The following GRID2IP variants were observed in gnomAD, a reference collection of about 807,000 sequenced individuals.
The protein encoded by GRID2IP is Grid2 interacting protein.
Under a neutral mutation model 114.3 loss-of-function variants are expected in GRID2IP, and 78 were observed. The ratio of observed to expected loss-of-function variants is 0.68; its 90% CI spans 0.57 to 0.82. The LOEUF (loss-of-function observed/expected upper bound fraction) is 0.82. Ranked by LOEUF, GRID2IP falls within the 40% of genes least tolerant of loss-of-function variation. The pLI, the probability that GRID2IP is intolerant of heterozygous loss-of-function variation, is 0.00. For synonymous variants in GRID2IP, 809 were observed against 724.0 expected (o/e 1.12, Z -1.89); for missense variants, 1,727 against 1,678.5 (o/e 1.03, Z -0.51).
intron 2 of GRID2IP, among the ~76,000 whole-genome samples, chr7:6,533,589 C>CCTG (rs1263096161): frequency 6.6e-6 from 1 of 152,020 alleles, no homozygotes; most frequent in Non-Finnish European, 1.5e-5. Flanking sequence ...GTCTTCAACT[C>CCTG]CTGGCCTTAA....
At chr7:6,514,180 G>A (rs1206310406) in intron 8 of GRID2IP, among the ~76,000 whole-genome samples, 195 bp downstream of exon 8, 2 of 152,140 alleles carry the variant, frequency 1.3e-5, no homozygotes, top group African/African-American at 2.4e-5. Context: ...TTGAACTTGG[G>A]AGGCGGAGGT....
intron 1 of GRID2IP, among the ~76,000 whole-genome samples, chr7:6,549,437 A>T (rs1779934216): frequency 1.3e-5 from 2 of 151,962 alleles, no homozygotes; most frequent in African/African-American, 4.8e-5. Flanking sequence ...CTAATATTCC[A>T]CCTGCAGTCT....
Position 6,507,847 on chromosome 7 carries a change from GC to G in GRID2IP, c.2544+137del. ...CCCCCAAGCGTGGGGACGTTCTTGG[GC>G]TGGGCCTCTACTCATCCTCTGCTTG... On this transcript the variant is annotated intron_variant, in intron 13 of 21. Coordinates refer to ENST00000457091, the MANE Select transcript of GRID2IP (RefSeq NM_001145118.2). The surrounding 1 kb of genome is among the most constrained non-coding windows in gnomAD (Gnocchi z 5.3). The G allele has an allele frequency of 7.4e-7, 1 of 1,349,660 alleles. No homozygotes were observed. Among genetic ancestry groups the G allele is most frequent in the Non-Finnish European group, 9.8e-7 (1 of 1,017,826 alleles). 83.6% of individuals were successfully genotyped at this position (1,349,660 alleles called of 1,614,324 possible).
intron 18 of GRID2IP, among the ~76,000 whole-genome samples, chr7:6,502,561 C>A (rs1248479030): frequency 6.6e-6 from 1 of 151,980 alleles, no homozygotes; most frequent in African/African-American, 2.4e-5. Flanking sequence ...TTCCCTCACT[C>A]CATTTTTCCA....
chr7:6,510,342 A>T lies in GRID2IP; in HGVS notation c.1712T>A (p.Met571Lys), dbSNP rs973067819. The change falls in exon 11 of 22, where the codon ATG (methionine) becomes AAG (lysine). Residue 571 changes from methionine to lysine, a missense_variant. Coordinates refer to ENST00000457091, the MANE Select transcript of GRID2IP (RefSeq NM_001145118.2). ...SRLNSSFKGK[M>K]GTVSKSRASP... ...AGCCCGGGATTTGGACACGGTCCCC[A>T]TCTTCCCTTTGAAGCTGCTGTTCAG... 2 of 1,547,414 alleles carry T rather than the reference A, an allele frequency of 1.3e-6. No individual in the cohort carries two copies. Among genetic ancestry groups the T allele is most frequent in the African/African-American group, 1.4e-5 (1 of 72,954 alleles).
At chr7:6,530,898 T>C (rs1391623547) in intron 2 of GRID2IP, among the ~76,000 whole-genome samples, 1 of 152,188 alleles carries the variant, frequency 6.6e-6, no homozygotes, top group Non-Finnish European at 1.5e-5. Flanking sequence ...ACCGAGTTTA[T>C]TTCCAACCTC....
chr7:6,550,980 G>GGGCCCCC, intron 1 of GRID2IP, 28 bp downstream of exon 1: 2 of 550,070 alleles, frequency 3.6e-6, no homozygotes, highest in Non-Finnish European at 4.6e-6. Flanking sequence ...CCTCCTTCCC[G>GGGCCCCC]CCCCCACCTC....
intron 8 of GRID2IP, among the ~76,000 whole-genome samples, chr7:6,513,538 ACAAGTT>A (rs1369173494): frequency 6.6e-6 from 1 of 152,108 alleles, no homozygotes; most frequent in African/African-American, 2.4e-5. Context: ...GTTCCTTCTC[ACAAGTT>A]CCACTTCTCA....
intron 8 of GRID2IP, among the ~76,000 whole-genome samples, chr7:6,513,468 C>A (rs1779220672): frequency 6.6e-6 from 1 of 151,778 alleles, no homozygotes; most frequent in Admixed American, 6.6e-5. Context: ...GATGCTTCCA[C>A]CTCAGTCTCC....
rs1202173976 is a variant in GRID2IP at position 6,510,392 on chromosome 7, G to A, written c.1662C>T (p.Ala554=). 7.2e-6 allele frequency: 11 copies of A among 1,530,140 alleles called. No individual in the cohort carries two copies. Among genetic ancestry groups the A allele is most frequent in the Non-Finnish European group, 8.8e-6 (10 of 1,135,452 alleles). 94.8% of individuals were successfully genotyped at this position (1,530,140 alleles called of 1,614,324 possible). The change falls in exon 11 of 22, where the codon GCC becomes GCT. Residue 554 remains alanine (A), a synonymous_variant. Transcript: ENST00000457091. ...GTCGAGACTCAAGCTCTGCATAGACGGCTGACATCTGGAGGGAGACGGGGG... is the reference window on the plus strand; with the variant it reads ...GTCGAGACTCAAGCTCTGCATAGACAGCTGACATCTGGAGGGAGACGGGGG... The part of the protein sequence containing the change: ...PETPNPKMMS[A]VYAELESRLN...
At chr7:6,541,772 A>G (rs1779818439) in intron 1 of GRID2IP, among the ~76,000 whole-genome samples, 1 of 152,174 alleles carries the variant, frequency 6.6e-6, no homozygotes, top group African/African-American at 2.4e-5. Flanking sequence ...CAGGTTGTTA[A>G]GTGTGTCCAA....
In GRID2IP at chr7:6,526,587, TCGGGGCGGCGCGG is replaced by T; in HGVS notation, c.754_766del (p.Pro252MetfsTer74). ...GGAGGCCCTGCGCGGGGGCGGCTCA[TCGGGGCGGCGCGG>T]CGGGGCGCTGGCGCGCGTGGACACC... On this transcript the variant is annotated frameshift_variant, in exon 3 of 22. Transcript: ENST00000457091. LOFTEE classifies it high-confidence loss of function. The surrounding 1 kb of genome is among the most constrained non-coding windows in gnomAD (Gnocchi z 7.6). The T allele has an allele frequency of 4.2e-6, 5 of 1,195,596 alleles. No individual in the cohort carries two copies. Among genetic ancestry groups the T allele is most frequent in the Non-Finnish European group, 4.1e-6 (4 of 965,586 alleles). The allele number at this position is 1,195,596 out of a possible 1,614,324, so 74.1% of individuals were successfully genotyped here.
intron 7 of GRID2IP, among the ~76,000 whole-genome samples, chr7:6,515,460 C>CA (rs1419796855): frequency 3.5e-4 from 53 of 150,614 alleles, no homozygotes; most frequent in African/African-American, 1.1e-3. Flanking sequence ...GACTCTGTCT[C>CA]AAAAAAACCC....
chr7:6,541,687 A>G (rs1042492519), intron 1 of GRID2IP, among the ~76,000 whole-genome samples: 9 of 152,200 alleles, frequency 5.9e-5, no homozygotes, highest in Non-Finnish European at 1.3e-4. Flanking sequence ...CGAGTGTGCA[A>G]ATGGGCACAT....
Position 6,497,812 on chromosome 7 carries a change from G to A in GRID2IP, c.3598C>T (p.Leu1200=), listed in dbSNP as rs1786298813. 2 of 1,550,138 alleles carry A rather than the reference G, an allele frequency of 1.3e-6. No individual in the cohort carries two copies. Among genetic ancestry groups the A allele is most frequent in the East Asian group, 2.4e-5 (1 of 40,902 alleles). ...GGTGAAACCATCCCGGAGCTGCGCA[G>A]GCCCTCCCCGGCCTGCAGGTCACTC... ...ALSDLQAGEG[L]RSSGMVSPLA... Residue 1200 remains leucine, a synonymous_variant, in exon 22 of 22, where the codon CTG becomes TTG. Transcript: ENST00000457091.
chr7:6,551,427 T>C lies in GRID2IP; in HGVS notation c.10A>G (p.Thr4Ala). 1 of 1,543,832 alleles carries C rather than the reference T, an allele frequency of 6.5e-7. No individual in the cohort carries two copies. Among genetic ancestry groups the C allele is most frequent in the Non-Finnish European group, 8.7e-7 (1 of 1,143,730 alleles). ...CCCTGGTTCGTGGCCGGCGTGGCAG[T>C]GGTGGCCATGCACCTAGAACTGGAG... MAT[T>A]ATPATNQGWP... The change falls in exon 1 of 22, where the codon ACT (threonine) becomes GCT (alanine). Residue 4 changes from threonine (T) to alanine (A), a missense_variant. Transcript: ENST00000457091.
chr7:6,531,521 G>T (rs1430382079), intron 2 of GRID2IP, among the ~76,000 whole-genome samples: 1 of 152,226 alleles, frequency 6.6e-6, no homozygotes, highest in Non-Finnish European at 1.5e-5. Flanking sequence ...TTCCGGAGGG[G>T]ATGCCCTTTA....
rs1786277874 is a variant in GRID2IP at position 6,497,231 on chromosome 7, C to T, written c.*543G>A. Among the ~76,000 whole-genome samples, 1 of 152,214 alleles carries T rather than the reference C, an allele frequency of 6.6e-6. No individual in the cohort carries two copies. The highest frequency in any genetic ancestry group is 6.5e-5 in the Admixed American group (1 of 15,274). On this transcript the variant is annotated 3_prime_UTR_variant, in exon 22 of 22. Coordinates refer to ENST00000457091, the MANE Select transcript of GRID2IP (RefSeq NM_001145118.2). ...GTCTTCCTTCTCCAGTCCTTCCTTC[C>T]CTGCGTCTCTCCCAGGCTTCTCTCT...
At chr7:6,538,766 C>G (rs181152249) in intron 2 of GRID2IP, among the ~76,000 whole-genome samples, 2 of 151,520 alleles carry the variant, frequency 1.3e-5, no homozygotes, top group African/African-American at 2.4e-5. Context: ...CTCAACTACT[C>G]GGGAGGTTGA....
Sources: gnomAD v4.1 joint callset for allele counts (sites outside exome capture counted in the v4.1 genomes callset) on GRCh38, gnomAD v4.1.1 for gene constraint, Gnocchi (gnomAD v3.1) non-coding constraint, MANE v1.5 for transcripts, NCBI Gene and HGNC (gene_info 2026-07-23, HGNC 2026-07-21) for gene names.